The following LIN28B variants were observed in gnomAD, a reference collection of about 807,000 sequenced individuals.
The protein encoded by LIN28B is protein lin-28 homolog B.
A neutral mutation model predicts 21.9 loss-of-function variants in LIN28B; 5 were observed. That is an observed-to-expected ratio of 0.23 (90% CI 0.12 to 0.48). LIN28B has a LOEUF of 0.48. LIN28B is among the 20% of genes least tolerant of loss of function. The pLI is 0.98. For synonymous variants in LIN28B, 109 were observed against 111.3 expected (o/e 0.98, Z 0.13); for missense variants, 245 against 310.5 (o/e 0.79, Z 1.58).
intron 2 of LIN28B, among the ~76,000 whole-genome samples, chr6:104,977,920 A>C (rs1279391948): frequency 6.6e-6 from 1 of 152,202 alleles, no homozygotes; most frequent in Non-Finnish European, 1.5e-5. Context: ...AACAATGAAA[A>C]AAAGCATAAT....
At chr6:104,986,967 C>T (rs919069675) in intron 2 of LIN28B, among the ~76,000 whole-genome samples, 2 of 152,176 alleles carry the variant, frequency 1.3e-5, no homozygotes, top group African/African-American at 4.8e-5. Context: ...AAAATCATCT[C>T]ATCTTCTCTT....
intron 3 of LIN28B, among the ~76,000 whole-genome samples, chr6:105,076,180 G>T (rs1772421111): frequency 1.3e-5 from 2 of 152,038 alleles, no homozygotes; most frequent in African/African-American, 2.4e-5. Context: ...ACTTTATTAA[G>T]ATATGTAATT....
intron 2 of LIN28B, among the ~76,000 whole-genome samples, chr6:104,982,547 A>G (rs945686001): frequency 1.3e-5 from 2 of 152,148 alleles, no homozygotes; most frequent in African/African-American, 4.8e-5. Flanking sequence ...GTGCTTTATC[A>G]TACTATAGTA....
intron 3 of LIN28B, among the ~76,000 whole-genome samples, chr6:104,951,897 A>T (rs1274070348): frequency 1.3e-5 from 2 of 152,202 alleles, no homozygotes; most frequent in Non-Finnish European, 2.9e-5. Flanking sequence ...TCCATTTTCT[A>T]GCTGGGCTTT....
At chr6:105,004,908 A>G (rs1370329334) in intron 2 of LIN28B, among the ~76,000 whole-genome samples, 1 of 151,894 alleles carries the variant, frequency 6.6e-6, no homozygotes, top group Non-Finnish European at 1.5e-5. Context: ...CTTGATAGCT[A>G]TTGTCTCATG....
chr6:104,999,029 A>T (rs147136543), intron 2 of LIN28B, among the ~76,000 whole-genome samples: 2 of 152,362 alleles, frequency 1.3e-5, no homozygotes, highest in Non-Finnish European at 1.5e-5. Flanking sequence ...AGAAAAAACA[A>T]GCATCGTTAT....
chr6:105,003,907 C>T (rs1250417787), intron 2 of LIN28B, among the ~76,000 whole-genome samples: 1 of 152,066 alleles, frequency 6.6e-6, no homozygotes, highest in African/African-American at 2.4e-5. Flanking sequence ...TCTAGAGGGA[C>T]AACACTAATA....
At chr6:105,003,140 C>A (rs1403488484) in intron 2 of LIN28B, among the ~76,000 whole-genome samples, 1 of 152,084 alleles carries the variant, frequency 6.6e-6, no homozygotes, top group Non-Finnish European at 1.5e-5. Context: ...TTATAAAAGA[C>A]CTATGGTTTT....
rs370305661 is a variant in LIN28B, at chr6:104,957,307, T to A, written c.10+47T>A. ...TTTACTGTGAATTTCTTTCTTCTTT[T>A]CTCCTCCCCCTCCCCCTCTCCCACC... On this transcript the variant is annotated intron_variant, in intron 1 of 3. Coordinates refer to ENST00000345080, the MANE Select transcript of LIN28B (RefSeq NM_001004317.4). The A allele has an allele frequency of 1.5e-4, 215 of 1,416,378 alleles. 1 individual carries two copies. The Middle Eastern group carries it at 2.3e-3, about 15-fold the overall frequency. 87.7% of individuals were successfully genotyped at this position (1,416,378 alleles called of 1,614,324 possible). A position where few individuals can be genotyped will look rare whatever the true frequency, so the allele number is the denominator to read the frequency against.
intron 3 of LIN28B, among the ~76,000 whole-genome samples, chr6:105,069,359 G>C (rs890571876): frequency 6.6e-6 from 1 of 152,206 alleles, no homozygotes; most frequent in Non-Finnish European, 1.5e-5. Context: ...AATTAAAAGA[G>C]TTATTATGGG....
chr6:104,952,703 A>T (rs557818975), upstream of LIN28B, among the ~76,000 whole-genome samples: 14 of 152,178 alleles, frequency 9.2e-5, no homozygotes, highest in Non-Finnish European at 1.6e-4. Context: ...TATAAAGGCA[A>T]ATTTTGAAAT....
intron 2 of LIN28B, among the ~76,000 whole-genome samples, chr6:104,987,969 C>G (rs926599798): frequency 6.6e-6 from 1 of 152,140 alleles, no homozygotes; most frequent in African/African-American, 2.4e-5. Flanking sequence ...ATCTTGAACT[C>G]CTGACCTCAA....
chr6:105,053,025 T>TA (rs1372939886), intron 3 of LIN28B, among the ~76,000 whole-genome samples: 1 of 152,124 alleles, frequency 6.6e-6, no homozygotes, highest in Non-Finnish European at 1.5e-5. Flanking sequence ...AATTTTCCTC[T>TA]AAACACTGCT....
intron 2 of LIN28B, among the ~76,000 whole-genome samples, chr6:104,991,148 GCC>G (rs144082172): frequency 3.3e-5 from 5 of 150,654 alleles, no homozygotes; most frequent in African/African-American, 1.2e-4. Context: ...GGGCAGAGGC[GCC>G]CCCCCACCTC....
chr6:105,015,897 A>G (rs570110262), intron 2 of LIN28B, among the ~76,000 whole-genome samples: 1 of 152,182 alleles, frequency 6.6e-6, no homozygotes. Context: ...AAAGCTTACT[A>G]TGGGGAGTAT....
In LIN28B at chr6:104,942,369, G is replaced by A. The variant is rs572846560; in HGVS notation, c.18+5253G>A. On this transcript the variant is annotated intron_variant, in intron 2 of 5. Transcript: ENST00000635857. ...CCATATTTACTTAGATAATGCAAAAGTGCTTTTTTAAAAAGCACATTTTTA... is the reference window on the plus strand; with the variant it reads ...CCATATTTACTTAGATAATGCAAAAATGCTTTTTTAAAAAGCACATTTTTA... Among the ~76,000 whole-genome samples the A allele has an allele frequency of 2.6e-5, 4 of 152,108 alleles. No individual in the cohort carries two copies. In the East Asian group the frequency reaches 7.7e-4, roughly 29 times the overall value.
At chr6:105,047,625 C>T (rs1311870623) in intron 3 of LIN28B, among the ~76,000 whole-genome samples, 16 of 152,236 alleles carry the variant, frequency 1.1e-4, no homozygotes, top group South Asian at 2.1e-4. Context: ...GCCATTTTCA[C>T]GATATTGATT....
chr6:104,962,664 A>T (rs1009495714), intron 2 of LIN28B, among the ~76,000 whole-genome samples: 20 of 152,190 alleles, frequency 1.3e-4, no homozygotes, highest in Non-Finnish European at 2.8e-4. Context: ...GTATTTAATT[A>T]ATTATACAAT....
At chr6:104,950,884 C>T (rs763240186) in intron 3 of LIN28B, among the ~76,000 whole-genome samples, 44 of 152,226 alleles carry the variant, frequency 2.9e-4, no homozygotes, top group Non-Finnish European at 5.0e-4. Context: ...GTAAAATATG[C>T]ACTAACGAAT....
Sources: allele counts gnomAD v4.1 joint callset (sites outside exome capture counted in the v4.1 genomes callset), GRCh38; gene constraint gnomAD v4.1.1; transcripts MANE v1.5; gene names NCBI Gene and HGNC (gene_info 2026-07-23, HGNC 2026-07-21).